The following TMEM74 variants were observed in gnomAD, a reference collection of about 807,000 sequenced individuals.
The protein encoded by TMEM74 is transmembrane protein 74.
A neutral mutation model predicts 18.1 loss-of-function variants in TMEM74; 13 were observed. The observed-to-expected ratio is 0.72, with a 90% CI of 0.47 to 1.14. The LOEUF is 1.14. Ranked by LOEUF, TMEM74 falls within the 50% of genes most tolerant of loss-of-function variation. TMEM74 has a pLI of 0.00. For synonymous variants in TMEM74, 159 were observed against 146.6 expected (o/e 1.08, Z -0.61); for missense variants, 372 against 375.9 (o/e 0.99, Z 0.09).
chr8:108,760,599 A>C (rs1814032947), intron 1 of TMEM74, among the ~76,000 whole-genome samples: 1 of 151,942 alleles, frequency 6.6e-6, no homozygotes, highest in Admixed American at 6.6e-5. Context: ...GGAGAGCTTC[A>C]GGAAGCTCTC....
chr8:108,707,478 G>T (rs6994631), intron 1 of TMEM74, among the ~76,000 whole-genome samples: 2,811 of 152,214 alleles, frequency 0.018, 105 homozygotes, highest in African/African-American at 0.064. Context: ...GATCTCTCAT[G>T]TCTTTAATAG....
At chr8:108,667,024 C>A (rs1014424256) in intron 1 of TMEM74, among the ~76,000 whole-genome samples, 14 of 152,256 alleles carry the variant, frequency 9.2e-5, no homozygotes, top group Non-Finnish European at 1.9e-4. Context: ...CCCACAGAAA[C>A]AATGCCTATT....
At chr8:108,617,549 C>T (rs1812397372) in intron 2 of TMEM74, among the ~76,000 whole-genome samples, 2 of 151,998 alleles carry the variant, frequency 1.3e-5, no homozygotes, top group African/African-American at 2.4e-5. Flanking sequence ...ATTTGGTTGG[C>T]TTTTGAAGGC....
chr8:108,756,552 G>T (rs866166482), intron 1 of TMEM74, among the ~76,000 whole-genome samples: 1 of 45,184 alleles, frequency 2.2e-5, no homozygotes, highest in Non-Finnish European at 4.0e-5. Context: ...GTAAAGAAAA[G>T]AAAGAAAGAA....
intron 1 of TMEM74, among the ~76,000 whole-genome samples, chr8:108,714,322 C>G (rs1813502213): frequency 6.6e-6 from 1 of 152,064 alleles, no homozygotes; most frequent in South Asian, 2.1e-4. Flanking sequence ...AATAGAATAA[C>G]TGAAATAGAA....
At chr8:108,620,680 G>T (rs1812430805) in intron 2 of TMEM74, among the ~76,000 whole-genome samples, 1 of 152,104 alleles carries the variant, frequency 6.6e-6, no homozygotes, top group African/African-American at 2.4e-5. Context: ...ATATCGCTTA[G>T]TAAGGACATT....
chr8:108,739,280 G>A (rs937541572), intron 1 of TMEM74, among the ~76,000 whole-genome samples: 4 of 152,164 alleles, frequency 2.6e-5, no homozygotes, highest in African/African-American at 9.7e-5. Flanking sequence ...TAAAATGTGG[G>A]ATTGACTGAA....
chr8:108,664,164 T>A (rs1197376462), intron 1 of TMEM74, among the ~76,000 whole-genome samples: 2 of 142,170 alleles, frequency 1.4e-5, no homozygotes, highest in Non-Finnish European at 3.1e-5. Flanking sequence ...CTGTGAAGAA[T>A]GTCATTGGTA....
At chr8:108,656,470 A>G (rs542779657) in intron 1 of TMEM74, among the ~76,000 whole-genome samples, 2 of 152,210 alleles carry the variant, frequency 1.3e-5, no homozygotes, top group Admixed American at 6.5e-5. Context: ...TCGAACTTCA[A>G]TATCTTCTTC....
intron 1 of TMEM74, among the ~76,000 whole-genome samples, chr8:108,766,952 C>A (rs1232417389): frequency 6.6e-6 from 1 of 152,172 alleles, no homozygotes; most frequent in African/African-American, 2.4e-5. Context: ...CAAGTCTGCT[C>A]TTCCATCTTC....
intron 1 of TMEM74, among the ~76,000 whole-genome samples, chr8:108,686,140 A>G (rs975194283): frequency 1.3e-5 from 2 of 152,038 alleles, no homozygotes; most frequent in Non-Finnish European, 2.9e-5. Context: ...GAATATCCTA[A>G]AAAAAATTAA....
At position 108,784,935 on chromosome 8, in the gene TMEM74, A is replaced by G. The variant is rs372486363; in HGVS notation, c.164T>C (p.Met55Thr). Residue 55 changes from methionine to threonine, a missense_variant, in exon 2 of 2, where the codon ATG becomes ACG. Met to Thr is a moderately conservative substitution (Grantham distance 81). Coordinates refer to ENST00000297459, the MANE Select transcript of TMEM74 (RefSeq NM_153015.3). The stretch of plus-strand genomic sequence containing the variant: ...AGAAGAACTAAGTTTAGACCCTTCC[A>G]TCTCGGTTGCTCTTGGGGTGGATGC... ...QCASTPRATE[M>T]EGSKLSSSPA... is the part of the protein sequence containing the mutation. 1.8e-5 allele frequency: 29 copies of G among 1,613,922 alleles called. No individual in the cohort carries two copies. In the East Asian group the frequency reaches 4.5e-4, roughly 25 times the overall value.
intron 1 of TMEM74, among the ~76,000 whole-genome samples, chr8:108,676,964 A>G (rs1813061611): frequency 6.6e-6 from 1 of 152,270 alleles, no homozygotes; most frequent in South Asian, 2.1e-4. Flanking sequence ...AAAAGTTTCA[A>G]TTAGCCTGGA....
intron 1 of TMEM74, among the ~76,000 whole-genome samples, chr8:108,697,042 T>G (rs990991407): frequency 1.3e-5 from 2 of 152,186 alleles, no homozygotes; most frequent in African/African-American, 4.8e-5. Flanking sequence ...CTAAAGTTCT[T>G]GTTTTCCTTT....
intron 1 of TMEM74, among the ~76,000 whole-genome samples, chr8:108,757,200 T>C (rs889081224): frequency 1.3e-5 from 2 of 152,024 alleles, no homozygotes; most frequent in Non-Finnish European, 2.9e-5. Context: ...AAACACCTCA[T>C]CCAGGTATTT....
intron 2 of TMEM74, among the ~76,000 whole-genome samples, chr8:108,633,592 A>AGTGC (rs1812576801): frequency 6.6e-6 from 1 of 152,078 alleles, no homozygotes; most frequent in Non-Finnish European, 1.5e-5. Flanking sequence ...TCTCAACACC[A>AGTGC]TATAAGCAGT....
chr8:108,639,434 T>C lies in TMEM74; in HGVS notation n.264+15859A>G, dbSNP rs12681218. On this transcript the variant is annotated intron_variant and non_coding_transcript_variant, in intron 2 of 3. Transcript: ENST00000518838. Reference sequence around the variant, plus strand: ...CCTAGAAATTGATAGACTAGTTCTTTATACACACACACACATTACATATAT... The same window carrying C: ...CCTAGAAATTGATAGACTAGTTCTTCATACACACACACACATTACATATAT... 1.4e-4 allele frequency among the ~76,000 whole-genome samples: 22 copies of C among 152,254 alleles called. No homozygotes were observed. In the East Asian group the frequency reaches 3.3e-3, roughly 23 times the overall value.
chr8:108,629,600 T>C (rs2201740), intron 2 of TMEM74, among the ~76,000 whole-genome samples: 24,542 of 151,878 alleles, frequency 0.16, 2,428 homozygotes, highest in East Asian at 0.44. Context: ...TCAGGTTACC[T>C]ACAAAGGGAA....
chr8:108,778,595 ATATGGGGCCT>A (rs1477151264), downstream of TMEM74, among the ~76,000 whole-genome samples: 2 of 152,230 alleles, frequency 1.3e-5, no homozygotes, highest in Non-Finnish European at 2.9e-5. Flanking sequence ...ATGGAGCAAG[ATATGGGGCCT>A]CACTTCCAAA....
Sources: allele counts gnomAD v4.1 joint callset (sites outside exome capture counted in the v4.1 genomes callset), GRCh38; gene constraint gnomAD v4.1.1; transcripts MANE v1.5; gene names NCBI Gene and HGNC (gene_info 2026-07-23, HGNC 2026-07-21).